The following MFF variants were observed in gnomAD, a reference collection of about 807,000 sequenced individuals.
MFF encodes the protein mitochondrial fission factor.
MFF carries 12 observed loss-of-function variants against 36.9 expected under a neutral mutation model. The ratio of observed to expected loss-of-function variants is 0.33; its 90% CI spans 0.21 to 0.53. The LOEUF (loss-of-function observed/expected upper bound fraction) is 0.53, where lower values mean the gene tolerates loss of function less well. MFF is among the 20% of genes least tolerant of loss of function. The pLI is 0.95. For missense variants in MFF, 348 were observed against 366.6 expected, an observed-to-expected ratio of 0.95 and a Z score of 0.42; for synonymous variants, 99 against 126.2, an observed-to-expected ratio of 0.78 and a Z score of 1.44.
chr2:227,352,409 A>G (rs1288843246), intron 6 of MFF, 105 bp from the exon 7 acceptor site: 5 of 838,894 alleles, frequency 6.0e-6, no homozygotes, highest in Admixed American at 3.7e-5. Flanking sequence ...GAAATATACA[A>G]TATAATCCTA....
chr2:227,351,412 AGTC>A (rs1483252617), intron 6 of MFF, among the ~76,000 whole-genome samples: 5 of 3,816 alleles, frequency 1.3e-3, no homozygotes, highest in Non-Finnish European at 7.2e-3. Flanking sequence ...TTTGTATTGT[AGTC>A]AAAATTCCAC....
At chr2:227,329,911 T>A (rs948456389) in intron 2 of MFF, 1 of 514,452 alleles carries the variant, frequency 1.9e-6, no homozygotes, top group Non-Finnish European at 3.3e-6. Flanking sequence ...GGCAACATTC[T>A]TTCTACTGCA....
Position 227,329,658 on chromosome 2 carries a change from G to A in MFF, c.-41+869G>A, listed in dbSNP as rs2074424487. ...GTACACCTCCAAAAAAAGTTCAAAT[G>A]TGTAGGGGAATTGTTGTGTAAAGTA... On this transcript the variant is annotated intron_variant, in intron 2 of 8. Transcript: ENST00000304593. 7 of 957,534 alleles carry A rather than the reference G, an allele frequency of 7.3e-6. No individual in the cohort carries two copies. The South Asian group carries it at 9.5e-5, about 13-fold the overall frequency. The allele number at this position is 957,534 out of a possible 1,614,324, so 59.3% of individuals were successfully genotyped here.
At chr2:227,356,912 C>T in intron 8 of MFF, 74 bp from the exon 9 acceptor site, 1 of 1,187,942 alleles carries the variant, frequency 8.4e-7, no homozygotes. Context: ...ATACTACTTA[C>T]TTTATAAGAA....
chr2:227,326,209 T>C (rs1413826990), intron 1 of MFF, among the ~76,000 whole-genome samples: 1 of 151,142 alleles, frequency 6.6e-6, no homozygotes, highest in African/African-American at 2.4e-5. Context: ...ATGTTTTCAT[T>C]GGAGAACATT....
At chr2:227,327,866 A>G (rs1266372571) in intron 1 of MFF, among the ~76,000 whole-genome samples, 1 of 152,170 alleles carries the variant, frequency 6.6e-6, no homozygotes, top group Non-Finnish European at 1.5e-5. Context: ...TCTGAATATG[A>G]GCTTTTGCTA....
chr2:227,329,576 A>G, intron 2 of MFF: 1 of 496,090 alleles, frequency 2.0e-6, no homozygotes, highest in Non-Finnish European at 3.5e-6. Context: ...AATTGTTGAA[A>G]TACTGATTTT....
chr2:227,342,673 T>C (rs765887189), intron 5 of MFF: 4 of 1,279,472 alleles, frequency 3.1e-6, no homozygotes. Context: ...TTCTAAACAG[T>C]AAAATCAGAT....
intron 4 of MFF, among the ~76,000 whole-genome samples, chr2:227,336,634 A>G (rs1424085480): frequency 6.6e-6 from 1 of 152,244 alleles, no homozygotes; most frequent in Non-Finnish European, 1.5e-5. Context: ...CAAATTCTAC[A>G]GCAGTTATAT....
At chr2:227,356,477 A>G (rs2076262977) in intron 8 of MFF, among the ~76,000 whole-genome samples, 1 of 152,116 alleles carries the variant, frequency 6.6e-6, no homozygotes, top group Non-Finnish European at 1.5e-5. Context: ...TTTGGGTGCC[A>G]TATCCCAAGG....
chr2:227,352,332 A>C (rs371211696), intron 6 of MFF, 182 bp from the exon 7 acceptor site: 67 of 532,764 alleles, frequency 1.3e-4, no homozygotes, highest in South Asian at 8.7e-4. Flanking sequence ...AGTTTATGAA[A>C]ATGATAAAAT....
At chr2:227,344,162 T>A (rs1488415041) in intron 5 of MFF, among the ~76,000 whole-genome samples, 1 of 152,238 alleles carries the variant, frequency 6.6e-6, no homozygotes, top group Non-Finnish European at 1.5e-5. Flanking sequence ...TAATGAAGCA[T>A]GGTAAACATC....
At chr2:227,356,513 G>A (rs2076264970) in intron 8 of MFF, among the ~76,000 whole-genome samples, 2 of 152,208 alleles carry the variant, frequency 1.3e-5, no homozygotes, top group Admixed American at 1.3e-4. Context: ...TATTTTATTG[G>A]ATTGTCTCAG....
chr2:227,331,010 AT>A (rs1476547180), intron 3 of MFF, among the ~76,000 whole-genome samples, 164 bp downstream of exon 3: 1 of 152,208 alleles, frequency 6.6e-6, no homozygotes, highest in East Asian at 1.9e-4. Context: ...TGCAAACAGT[AT>A]TTTTTAGTAA....
chr2:227,328,204 C>T (rs1182030108), intron 1 of MFF, among the ~76,000 whole-genome samples: 7 of 144,324 alleles, frequency 4.9e-5, no homozygotes, highest in African/African-American at 1.8e-4. Context: ...GACCCTGTCT[C>T]AACAAAAAAT....
chr2:227,344,938 A>G (rs2075628080), intron 5 of MFF, among the ~76,000 whole-genome samples: 1 of 152,220 alleles, frequency 6.6e-6, no homozygotes, highest in Non-Finnish European at 1.5e-5. Flanking sequence ...ATCTTTCTAC[A>G]TAAGTATTTT....
intron 7 of MFF, among the ~76,000 whole-genome samples, chr2:227,354,820 T>C (rs2076178961): frequency 6.6e-6 from 1 of 152,212 alleles, no homozygotes; most frequent in Admixed American, 6.5e-5. Flanking sequence ...GGAGATTTTA[T>C]AATTGTTTCT....
At chr2:227,356,942 A>G in intron 8 of MFF, 44 bp from the exon 9 acceptor site, 1 of 1,488,724 alleles carries the variant, frequency 6.7e-7, no homozygotes, top group Admixed American at 1.9e-5. Context: ...CCTATTCATT[A>G]AAGCCTCTAT....
intron 6 of MFF, among the ~76,000 whole-genome samples, chr2:227,349,789 T>C (rs1333219919): frequency 6.6e-6 from 1 of 152,180 alleles, no homozygotes; most frequent in Non-Finnish European, 1.5e-5. Context: ...AAAATAATAC[T>C]GCTTATAAAA....
Sources: gnomAD v4.1 joint callset for allele counts (sites outside exome capture counted in the v4.1 genomes callset) on GRCh38, gnomAD v4.1.1 for gene constraint, MANE v1.5 for transcripts, NCBI Gene and HGNC (gene_info 2026-07-23, HGNC 2026-07-21) for gene names.